HS6ST3: variants seen among roughly 807,000 people sequenced by gnomAD.
HS6ST3 encodes the protein heparan-sulfate 6-O-sulfotransferase 3.
Under a neutral mutation model 36.7 loss-of-function variants are expected in HS6ST3, and 12 were observed. The observed-to-expected ratio is 0.33, with a 90% CI of 0.21 to 0.53. The LOEUF is 0.53. Among genes scored for constraint, HS6ST3 ranks in the 20% least tolerant of loss-of-function variants. The probability of loss-of-function intolerance (pLI) is 0.95; values close to 1 mark genes in which losing one functional copy is unlikely to be tolerated. For synonymous variants in HS6ST3, 240 were observed against 257.5 expected (o/e 0.93, Z 0.65); for missense variants, 584 against 640.9 (o/e 0.91, Z 0.96).
chr13:96,276,803 GC>G lies in HS6ST3; in HGVS notation c.707+185237del, dbSNP rs564878647. ...GGGTGATTTATAGAGATGGGTCCAT[GC>G]CCACAGATTCTGGCTTTAGGTTTAC... is the stretch of plus-strand genomic sequence containing the variant. On this transcript the variant is annotated intron_variant, in intron 1 of 1. Coordinates refer to ENST00000376705, the MANE Select transcript of HS6ST3 (RefSeq NM_153456.4). 2.3e-3 allele frequency among the ~76,000 whole-genome samples: 349 copies of G among 152,224 alleles called. 1 individual carries two copies. The highest frequency in any genetic ancestry group is 3.9e-3 in the Non-Finnish European group (263 of 68,014).
At chr13:96,543,627 TC>T (rs2056186611) in intron 1 of HS6ST3, among the ~76,000 whole-genome samples, 1 of 152,144 alleles carries the variant, frequency 6.6e-6, no homozygotes, top group Admixed American at 6.5e-5. Flanking sequence ...CCCCATTAGA[TC>T]CGAAGCCAAG....
At chr13:96,426,137 A>C (rs1005253105) in intron 1 of HS6ST3, among the ~76,000 whole-genome samples, 1 of 152,074 alleles carries the variant, frequency 6.6e-6, no homozygotes, top group African/African-American at 2.4e-5. Context: ...AAATTAAAAA[A>C]AAAATGGCCA....
At chr13:96,538,706 A>G (rs914616883) in intron 1 of HS6ST3, among the ~76,000 whole-genome samples, 1 of 152,172 alleles carries the variant, frequency 6.6e-6, no homozygotes, top group Non-Finnish European at 1.5e-5. Context: ...GGCCTCCCAT[A>G]GTGCTGGGAT....
At chr13:96,163,161 T>C (rs960567775) in intron 1 of HS6ST3, among the ~76,000 whole-genome samples, 1 of 152,002 alleles carries the variant, frequency 6.6e-6, no homozygotes, top group Non-Finnish European at 1.5e-5. Context: ...GCAGTGGGTA[T>C]GTAAGTACAA....
intron 1 of HS6ST3, among the ~76,000 whole-genome samples, chr13:96,210,428 C>A (rs565600916): frequency 4.5e-4 from 68 of 152,264 alleles, no homozygotes; most frequent in Non-Finnish European, 8.7e-4. Context: ...TGAGGTGTGA[C>A]CCTGGGTCTC....
At chr13:96,204,465 T>C (rs938105529) in intron 1 of HS6ST3, among the ~76,000 whole-genome samples, 8 of 152,106 alleles carry the variant, frequency 5.3e-5, no homozygotes, top group Non-Finnish European at 1.0e-4. Context: ...ATTAAAAATA[T>C]ATTCAGGACC....
intron 1 of HS6ST3, among the ~76,000 whole-genome samples, chr13:96,789,205 G>A (rs1877722698): frequency 6.6e-6 from 1 of 151,222 alleles, no homozygotes; most frequent in Non-Finnish European, 1.5e-5. Context: ...GTTTGTCTAG[G>A]GATTATAATA....
In HS6ST3 at chr13:96,663,177, G is replaced by A. The variant is rs2139020683; in HGVS notation, c.708-169313G>A. Among the ~76,000 whole-genome samples the A allele has an allele frequency of 1.3e-5, 2 of 152,252 alleles. 1 individual carries two copies. The highest frequency in any genetic ancestry group is 4.2e-4 in the South Asian group (2 of 4,816). On this transcript the variant is annotated intron_variant, in intron 1 of 1. Coordinates refer to ENST00000376705, the MANE Select transcript of HS6ST3 (RefSeq NM_153456.4). The stretch of plus-strand genomic sequence containing the variant: ...CTGAGGCCACTGCAGAGGTCAAGGA[G>A]TCTGCACCAGCTTCATGCCCTGGAC...
chr13:96,751,482 T>C (rs1377550737), intron 1 of HS6ST3, among the ~76,000 whole-genome samples: 1 of 152,140 alleles, frequency 6.6e-6, no homozygotes, highest in Non-Finnish European at 1.5e-5. Flanking sequence ...CTCAATACCA[T>C]CTTTACTTCA....
intron 1 of HS6ST3, among the ~76,000 whole-genome samples, chr13:96,351,222 A>G (rs951045546): frequency 4.6e-5 from 7 of 152,096 alleles, no homozygotes; most frequent in African/African-American, 1.7e-4. Context: ...ACCTGAAAGC[A>G]AGGTTTAATT....
Position 96,091,555 on chromosome 13 carries a change from C to T in HS6ST3, c.693C>T (p.Asn231=), listed in dbSNP as rs1421962742. ...TGGAGAAGAAGGACTGTCCCCGCAA[C>T]CACAGCCACACCAGGTACTGTCGCC... ...AIMEKKDCPR[N]HSHTRNFYYI... is the part of the protein sequence containing the mutation. Residue 231 remains asparagine, a synonymous_variant, in exon 1 of 2, where the codon AAC becomes AAT. Coordinates refer to ENST00000376705, the MANE Select transcript of HS6ST3 (RefSeq NM_153456.4). 7.6e-6 allele frequency: 12 copies of T among 1,579,146 alleles called. No homozygotes were observed. The highest frequency in any genetic ancestry group is 3.3e-4 in the Middle Eastern group (2 of 6,054).
chr13:96,592,637 T>C (rs1447073290), intron 1 of HS6ST3, among the ~76,000 whole-genome samples: 1 of 152,148 alleles, frequency 6.6e-6, no homozygotes, highest in Non-Finnish European at 1.5e-5. Flanking sequence ...TTTATTTATT[T>C]ATTTATTTAT....
At chr13:96,611,893 C>T (rs2056458233) in intron 1 of HS6ST3, among the ~76,000 whole-genome samples, 1 of 152,048 alleles carries the variant, frequency 6.6e-6, no homozygotes, top group Non-Finnish European at 1.5e-5. Flanking sequence ...CAGGGGTCAT[C>T]GAGTGTTTCT....
chr13:96,505,706 AG>A (rs1341070281), intron 1 of HS6ST3, among the ~76,000 whole-genome samples: 1 of 152,172 alleles, frequency 6.6e-6, no homozygotes, highest in African/African-American at 2.4e-5. Context: ...AATTTATTGA[AG>A]CCCTTTAAAA....
At chr13:96,514,999 CAAT>C (rs1274216877) in intron 1 of HS6ST3, among the ~76,000 whole-genome samples, 1 of 152,162 alleles carries the variant, frequency 6.6e-6, no homozygotes, top group Non-Finnish European at 1.5e-5. Flanking sequence ...CTCAAGGCAA[CAAT>C]GATTATGCAC....
chr13:96,274,467 TA>T (rs2054737638), intron 1 of HS6ST3, among the ~76,000 whole-genome samples: 1 of 152,144 alleles, frequency 6.6e-6, no homozygotes, highest in Non-Finnish European at 1.5e-5. Flanking sequence ...CATAGGTAGT[TA>T]CTCCATGTGT....
At chr13:96,587,022 A>G (rs1225463658) in intron 1 of HS6ST3, among the ~76,000 whole-genome samples, 1 of 151,898 alleles carries the variant, frequency 6.6e-6, no homozygotes, top group Non-Finnish European at 1.5e-5. Context: ...GTTGTTTTTT[A>G]TTTCAGCAGC....
At chr13:96,541,347 C>A (rs993114277) in intron 1 of HS6ST3, among the ~76,000 whole-genome samples, 4 of 152,030 alleles carry the variant, frequency 2.6e-5, no homozygotes, top group Non-Finnish European at 4.4e-5. Flanking sequence ...CCATTTAGAT[C>A]AAGTCTGACA....
chr13:96,119,142 G>A (rs553849790), intron 1 of HS6ST3, among the ~76,000 whole-genome samples: 1 of 152,116 alleles, frequency 6.6e-6, no homozygotes, highest in Non-Finnish European at 1.5e-5. Context: ...AACCTTTATA[G>A]TAATAAGAGT....
Sources: allele counts gnomAD v4.1 joint callset (sites outside exome capture counted in the v4.1 genomes callset), GRCh38; gene constraint gnomAD v4.1.1; transcripts MANE v1.5; gene names NCBI Gene and HGNC (gene_info 2026-07-23, HGNC 2026-07-21).